PREPL: variants seen among roughly 807,000 people sequenced by gnomAD.
PREPL encodes prolyl endopeptidase-like.
In PREPL, 77 loss-of-function variants were observed where a neutral mutation model predicts 70.6. That is an observed-to-expected ratio of 1.09 (90% CI 0.91 to 1.32). The LOEUF (loss-of-function observed/expected upper bound fraction) is 1.32. Among genes scored for constraint, PREPL ranks in the 40% most tolerant of loss-of-function variants. The probability of loss-of-function intolerance (pLI) is 0.00; values close to 1 mark genes in which losing one functional copy is unlikely to be tolerated. For synonymous variants in PREPL, 315 were observed against 264.8 expected (o/e 1.19, Z -1.84); for missense variants, 1,002 against 778.2 (o/e 1.29, Z -3.42).
At chr2:44,329,200 T>G (rs868642967) in intron 8 of PREPL, 88 bp from the exon 9 acceptor site, 1 of 1,092,714 alleles carries the variant, frequency 9.2e-7, no homozygotes, top group Non-Finnish European at 1.3e-6. Flanking sequence ...AGGTGCACTG[T>G]CCCCACTTGT....
At chr2:44,328,557 GAGA>G (rs1357768424) in intron 9 of PREPL, among the ~76,000 whole-genome samples, 6 of 151,886 alleles carry the variant, frequency 4.0e-5, no homozygotes, top group African/African-American at 1.2e-4. Flanking sequence ...TGGGGAGGTG[GAGA>G]AGAATTTTAA....
At position 44,338,533 on chromosome 2, in the gene PREPL, T is replaced by C. The variant is rs1558501874; in HGVS notation, c.706A>G (p.Met236Val). 1.9e-6 allele frequency: 3 copies of C among 1,602,988 alleles called. No homozygotes were observed. Among genetic ancestry groups the C allele is most frequent in the Non-Finnish European group, 2.5e-6 (3 of 1,177,236 alleles). Residue 236 changes from methionine (M) to valine (V), a missense_variant, in exon 7 of 14, where the codon ATG becomes GTG. Met to Val is a conservative substitution (Grantham distance 21, BLOSUM62 1). Coordinates refer to ENST00000409411, the MANE Select transcript of PREPL (RefSeq NM_001171613.2). ...GCAGGGGTATCAGCCGCTGTTCTCA[T>C]TAGCTACGTGGAACAAAGTTAGAAG... ...NVGEPTEFKL[M>V]RTAADTPAIM... is the part of the protein sequence containing the mutation.
intron 7 of PREPL, among the ~76,000 whole-genome samples, chr2:44,335,373 A>G (rs926481410): frequency 6.6e-6 from 1 of 152,230 alleles, no homozygotes; most frequent in Non-Finnish European, 1.5e-5. Context: ...TAACAAGTGC[A>G]TTGCTAGAAA....
Position 44,319,966 on chromosome 2 carries a change from A to G in PREPL, c.*1390T>C. 1.9e-6 allele frequency: 1 copy of G among 517,922 alleles called. No individual in the cohort carries two copies. The highest frequency in any genetic ancestry group is 3.5e-6 in the Non-Finnish European group (1 of 288,930). 32.1% of individuals were successfully genotyped at this position (517,922 alleles called of 1,614,324 possible). On this transcript the variant is annotated 3_prime_UTR_variant, in exon 14 of 14. Transcript: ENST00000409411. ...CTACAGAAACTCTACAATGTAGCAGAGCACTGTGCGTACTTATTGACTCCC... is the reference window on the plus strand; with the variant it reads ...CTACAGAAACTCTACAATGTAGCAGGGCACTGTGCGTACTTATTGACTCCC...
intron 1 of PREPL, among the ~76,000 whole-genome samples, chr2:44,353,002 T>C (rs2104147536): frequency 6.6e-6 from 1 of 152,218 alleles, no homozygotes; most frequent in East Asian, 1.9e-4. Flanking sequence ...ATCCCAGCAC[T>C]TTGGGAAGCT....
At chr2:44,321,790 C>G in intron 13 of PREPL, 37 bp downstream of exon 13, 1 of 1,613,648 alleles carries the variant, frequency 6.2e-7, no homozygotes, top group Non-Finnish European at 8.5e-7. Flanking sequence ...GTATCTAGTT[C>G]GGGAATCTGT....
chr2:44,338,903 T>C (rs908132829), intron 6 of PREPL, among the ~76,000 whole-genome samples: 9 of 152,250 alleles, frequency 5.9e-5, no homozygotes, highest in African/African-American at 1.9e-4. Context: ...TTTGCTCTTT[T>C]AAGCTACTAA....
intron 7 of PREPL, among the ~76,000 whole-genome samples, chr2:44,335,343 C>A (rs576533393): frequency 1.3e-4 from 20 of 152,304 alleles, no homozygotes; most frequent in Non-Finnish European, 2.2e-4. Flanking sequence ...TTCTAACTTT[C>A]CTGACATAGA....
At chr2:44,341,729 GA>G (rs942757514) in intron 5 of PREPL, among the ~76,000 whole-genome samples, 10 of 149,932 alleles carry the variant, frequency 6.7e-5, no homozygotes, top group Non-Finnish European at 1.3e-4. Context: ...ATTACAAAAA[GA>G]AAAAAAGAAA....
intron 12 of PREPL, among the ~76,000 whole-genome samples, chr2:44,322,309 T>G (rs764290314): frequency 5.3e-5 from 8 of 152,158 alleles, no homozygotes; most frequent in Non-Finnish European, 8.8e-5. Flanking sequence ...CTCATAAAGC[T>G]GAAACAGCTA....
At chr2:44,339,388 G>C in intron 5 of PREPL, 25 bp from the exon 6 acceptor site, 1 of 1,608,180 alleles carries the variant, frequency 6.2e-7, no homozygotes, top group Non-Finnish European at 8.5e-7. Context: ...AGAGACATGA[G>C]ATCACAGTTT....
chr2:44,321,350 AGT>A lies in PREPL; in HGVS notation c.*4_*5del. 6.3e-7 allele frequency: 1 copy of A among 1,592,330 alleles called. No homozygotes were observed. The highest frequency in any genetic ancestry group is 8.6e-7 in the Non-Finnish European group (1 of 1,160,916). ...GTGTTTCCAATTCCCAGTTGAATGC[AGT>A]GTTTCAGAATTTCAGGTATTTCTTA... On this transcript the variant is annotated 3_prime_UTR_variant, in exon 14 of 14. Transcript: ENST00000409411.
chr2:44,332,320 A>T (rs1255142691), intron 8 of PREPL, 139 bp downstream of exon 8: 1 of 685,362 alleles, frequency 1.5e-6, no homozygotes, highest in Non-Finnish European at 2.4e-6. Context: ...ACCTATCCCT[A>T]AAGTCACTTG....
chr2:44,344,417 C>A, intron 3 of PREPL, 103 bp downstream of exon 3: 3 of 925,698 alleles, frequency 3.2e-6, no homozygotes, highest in East Asian at 2.8e-5. Context: ...CAGAAATAAT[C>A]TTTAAAAAAA....
intron 1 of PREPL, among the ~76,000 whole-genome samples, chr2:44,349,771 G>T (rs948086740): frequency 2.0e-5 from 3 of 151,974 alleles, no homozygotes; most frequent in African/African-American, 7.2e-5. Context: ...AGAATACGAG[G>T]AGAGAAAAAG....
intron 1 of PREPL, among the ~76,000 whole-genome samples, chr2:44,348,896 A>G (rs1295826443): frequency 6.6e-6 from 1 of 152,212 alleles, no homozygotes; most frequent in Non-Finnish European, 1.5e-5. Context: ...TTTCAATTTC[A>G]GCTAGCAATA....
Position 44,332,585 on chromosome 2 carries a change from G to C in PREPL, c.960C>G (p.Cys320Trp). 1.9e-6 allele frequency: 3 copies of C among 1,613,900 alleles called. No individual in the cohort carries two copies. Among genetic ancestry groups the C allele is most frequent in the East Asian group, 2.2e-5 (1 of 44,868 alleles). ...SDPKNCPFQL[C>W]SPIRPPKYYT... is the part of the protein sequence containing the mutation. ...AATATTTTGGGGGACGTATTGGAGA[G>C]CAAAGTTGAAAGGGGCAGTTCTTTG... Residue 320 changes from cysteine to tryptophan, a missense_variant, in exon 8 of 14, where the codon TGC becomes TGG. Transcript: ENST00000409411.
chr2:44,359,067 CTTTTTTTTTTT>C (rs35700374), intron 1 of PREPL, among the ~76,000 whole-genome samples: 2 of 94,476 alleles, frequency 2.1e-5, no homozygotes, highest in South Asian at 3.4e-4. Flanking sequence ...TATGTATACA[CTTTTTTTTTTT>C]TTTTTTTTTT....
intron 1 of PREPL, among the ~76,000 whole-genome samples, chr2:44,353,474 G>A (rs1676668828): frequency 6.6e-6 from 1 of 151,922 alleles, no homozygotes; most frequent in Non-Finnish European, 1.5e-5. Flanking sequence ...TGTAATCCCA[G>A]CTACTCGGGG....
Sources: gnomAD v4.1 joint callset for allele counts (sites outside exome capture counted in the v4.1 genomes callset) on GRCh38, gnomAD v4.1.1 for gene constraint, MANE v1.5 for transcripts, NCBI Gene and HGNC (gene_info 2026-07-23, HGNC 2026-07-21) for gene names.